OSBPL8: variants seen among roughly 807,000 people sequenced by gnomAD.
OSBPL8 encodes the protein oxysterol binding protein like 8.
Under a neutral mutation model 125.5 loss-of-function variants are expected in OSBPL8, and 59 were observed. The observed-to-expected ratio is 0.47, with a 90% CI of 0.38 to 0.58. OSBPL8 has a LOEUF of 0.58. Among genes scored for constraint, OSBPL8 ranks in the 20% least tolerant of loss-of-function variants. OSBPL8 has a pLI of 0.00. For synonymous variants in OSBPL8, 330 were observed against 338.9 expected (o/e 0.97, Z 0.29); for missense variants, 758 against 1,047.8 (o/e 0.72, Z 3.82).
chr12:76,493,759 T>C (rs1296389770), intron 1 of OSBPL8, among the ~76,000 whole-genome samples: 1 of 152,222 alleles, frequency 6.6e-6, no homozygotes, highest in Non-Finnish European at 1.5e-5. Context: ...TTTTCCAAGA[T>C]CAGAGAAGTT....
In OSBPL8 at chr12:76,375,369, T is replaced by C. The variant is rs781046259; in HGVS notation, c.1731A>G (p.Gly577=). The change falls in exon 17 of 24, where the codon GGA becomes GGG. Residue 577 remains glycine, a splice_region_variant and synonymous_variant. Transcript: ENST00000261183. ...VMTMPYAHCK[G]ILYGTMTLEL... ...CCAGTGTCATTGTACCATAAAGAAT[T>C]CCTAAAGGAAAAAGATTTGACAAAA... 14 of 1,607,854 alleles carry C rather than the reference T, an allele frequency of 8.7e-6. No homozygotes were observed. In the South Asian group the frequency reaches 1.5e-4, roughly 18 times the overall value.
At chr12:76,402,521 G>A (rs1954092729) in intron 6 of OSBPL8, among the ~76,000 whole-genome samples, 168 bp downstream of exon 6, 1 of 152,024 alleles carries the variant, frequency 6.6e-6, no homozygotes, top group African/African-American at 2.4e-5. Flanking sequence ...GTTGACCACA[G>A]TGTACCATAC....
chr12:76,465,232 G>A (rs1875262547), intron 2 of OSBPL8, among the ~76,000 whole-genome samples: 3 of 152,036 alleles, frequency 2.0e-5, no homozygotes, highest in Admixed American at 2.0e-4. Context: ...TCCCCTCCTA[G>A]GAATATTAAT....
At chr12:76,492,056 A>G (rs1454559064) in intron 1 of OSBPL8, among the ~76,000 whole-genome samples, 1 of 152,062 alleles carries the variant, frequency 6.6e-6, no homozygotes, top group African/African-American at 2.4e-5. Context: ...AAGACAAACA[A>G]TAAAAATAAT....
chr12:76,523,552 C>T (rs11836368), intron 1 of OSBPL8, among the ~76,000 whole-genome samples: 30,993 of 152,124 alleles, frequency 0.2, 3,401 homozygotes, highest in Non-Finnish European at 0.26. Flanking sequence ...GAGATAGGGC[C>T]TTGGGGAGGT....
intron 2 of OSBPL8, among the ~76,000 whole-genome samples, chr12:76,480,424 T>C (rs1320730807): frequency 2.0e-5 from 3 of 152,154 alleles, no homozygotes; most frequent in Non-Finnish European, 4.4e-5. Flanking sequence ...TTGATAATTG[T>C]TGAAGATGAG....
intron 1 of OSBPL8, among the ~76,000 whole-genome samples, chr12:76,524,323 T>C (rs1950105633): frequency 6.6e-6 from 1 of 152,210 alleles, no homozygotes; most frequent in African/African-American, 2.4e-5. Context: ...TTATAAGTTA[T>C]TTGTTAGGAG....
At position 76,352,813 on chromosome 12, in the gene OSBPL8, A is replaced by G. The variant is rs539563234; in HGVS notation, c.*3076T>C. 29 of 152,644 alleles carry G rather than the reference A, an allele frequency of 1.9e-4. No homozygotes were observed. Among genetic ancestry groups the G allele is most frequent in the African/African-American group, 6.7e-4 (28 of 41,560 alleles). The allele number at this position is 152,644 out of a possible 1,614,324, so 9.5% of individuals were successfully genotyped here. On this transcript the variant is annotated 3_prime_UTR_variant, in exon 24 of 24. Coordinates refer to ENST00000261183, the MANE Select transcript of OSBPL8 (RefSeq NM_020841.5). ...TCAGAAAGTTAAAACTGCCTTCCAC[A>G]AAATTTTGTGTGTATATGGCACAAG... is the stretch of plus-strand genomic sequence containing the variant.
At chr12:76,521,378 G>A (rs774664585) in intron 1 of OSBPL8, among the ~76,000 whole-genome samples, 8 of 152,138 alleles carry the variant, frequency 5.3e-5, no homozygotes, top group African/African-American at 1.4e-4. Flanking sequence ...CAGCCACTGC[G>A]GAAAACAGTA....
chr12:76,450,526 T>C (rs1362540039), intron 4 of OSBPL8, among the ~76,000 whole-genome samples: 1 of 152,020 alleles, frequency 6.6e-6, no homozygotes, highest in Non-Finnish European at 1.5e-5. Context: ...ATAACTCACA[T>C]AAACAAAAGC....
At chr12:76,500,957 A>G (rs1879839037) in intron 1 of OSBPL8, among the ~76,000 whole-genome samples, 1 of 152,208 alleles carries the variant, frequency 6.6e-6, no homozygotes, top group East Asian at 1.9e-4. Flanking sequence ...TGTGTACTTA[A>G]CCACTTCAAA....
At position 76,354,505 on chromosome 12, in the gene OSBPL8, G is replaced by A. The variant is rs1951918235; in HGVS notation, c.*1384C>T. On this transcript the variant is annotated 3_prime_UTR_variant, in exon 24 of 24. Transcript: ENST00000261183. ...TCCTACTGAAAGGCAAATGTGGTCA[G>A]GGCAATTATTCTCTCTGACCTTCAT... is the stretch of plus-strand genomic sequence containing the variant. 2 of 151,800 alleles carry A rather than the reference G, an allele frequency of 1.3e-5. No individual in the cohort carries two copies. The highest frequency in any genetic ancestry group is 4.1e-4 in the South Asian group (2 of 4,820). The allele number at this position is 151,800 out of a possible 1,614,324, so 9.4% of individuals were successfully genotyped here. A position where few individuals can be genotyped will look rare whatever the true frequency, so the allele number is the denominator to read the frequency against.
intron 4 of OSBPL8, among the ~76,000 whole-genome samples, chr12:76,437,378 C>T (rs932601829): frequency 6.6e-6 from 1 of 152,064 alleles, no homozygotes; most frequent in African/African-American, 2.4e-5. Flanking sequence ...TGGTGATTAA[C>T]TACATTTGGT....
At chr12:76,484,515 A>T (rs1386675523) in intron 2 of OSBPL8, among the ~76,000 whole-genome samples, 2 of 152,236 alleles carry the variant, frequency 1.3e-5, no homozygotes, top group Non-Finnish European at 2.9e-5. Context: ...GCCTTGTAAT[A>T]GGCACTTCAT....
intron 16 of OSBPL8, among the ~76,000 whole-genome samples, chr12:76,377,820 A>G (rs1452459864): frequency 6.6e-6 from 1 of 152,138 alleles, no homozygotes; most frequent in African/African-American, 2.4e-5. Flanking sequence ...GTATGATCTC[A>G]GGCATATTAA....
intron 3 of OSBPL8, among the ~76,000 whole-genome samples, chr12:76,456,699 A>G (rs531964686): frequency 6.6e-6 from 1 of 152,292 alleles, no homozygotes. Flanking sequence ...ACATAATACG[A>G]AGAGTCAACA....
chr12:76,478,299 G>A (rs1438567188), intron 2 of OSBPL8, among the ~76,000 whole-genome samples: 2 of 151,748 alleles, frequency 1.3e-5, no homozygotes, highest in African/African-American at 2.4e-5. Flanking sequence ...GCCCTCATGA[G>A]GATAAAAAAG....
chr12:76,436,779 T>C (rs541945668), intron 4 of OSBPL8, among the ~76,000 whole-genome samples: 2 of 152,264 alleles, frequency 1.3e-5, no homozygotes, highest in East Asian at 3.9e-4. Context: ...TTAAATATGA[T>C]ATACACAAGT....
At chr12:76,358,535 C>A (rs1952077343) in intron 22 of OSBPL8, among the ~76,000 whole-genome samples, 171 bp downstream of exon 22, 1 of 152,002 alleles carries the variant, frequency 6.6e-6, no homozygotes, top group Non-Finnish European at 1.5e-5. Flanking sequence ...TGTTTCTTTA[C>A]CTTGCGTCCT....
Sources: allele counts gnomAD v4.1 joint callset (sites outside exome capture counted in the v4.1 genomes callset), GRCh38; gene constraint gnomAD v4.1.1; transcripts MANE v1.5; gene names NCBI Gene and HGNC (gene_info 2026-07-23, HGNC 2026-07-21).